Variants in C8orf88 observed in about 807,000 individuals in gnomAD.
C8orf88 encodes chromosome 8 open reading frame 88, also known as uncharacterized protein C8orf88.
A neutral mutation model predicts 18.4 loss-of-function variants in C8orf88; 14 were observed. The observed-to-expected ratio is 0.76, with a 90% CI of 0.50 to 1.19. The LOEUF (loss-of-function observed/expected upper bound fraction) is 1.19, where lower values mean the gene tolerates loss of function less well. Among genes scored for constraint, C8orf88 ranks in the 50% most tolerant of loss-of-function variants. The pLI is 0.00. For synonymous variants in C8orf88, 45 were observed against 42.9 expected, an observed-to-expected ratio of 1.05 and a Z score of -0.19; for missense variants, 116 against 134.7, an observed-to-expected ratio of 0.86 and a Z score of 0.69.
chr8:90,973,769 C>T (rs766037040), intron 3 of C8orf88, among the ~76,000 whole-genome samples: 47 of 152,264 alleles, frequency 3.1e-4, no homozygotes, highest in Non-Finnish European at 6.5e-4. Context: ...CAAGTGTGAG[C>T]ACCCCATCTG....
intron 2 of C8orf88, among the ~76,000 whole-genome samples, chr8:90,978,911 T>C (rs1811391825): frequency 6.6e-6 from 1 of 152,154 alleles, no homozygotes; most frequent in Non-Finnish European, 1.5e-5. Context: ...ATGATTATAA[T>C]ACAATTTGAT....
chr8:90,970,930 C>G, intron 4 of C8orf88, 136 bp downstream of exon 4: 2 of 508,530 alleles, frequency 3.9e-6, no homozygotes, highest in South Asian at 7.8e-5. Flanking sequence ...TAGCCTGACT[C>G]ATATAGATAG....
At chr8:90,964,614 C>T (rs1370582550) in intron 4 of C8orf88, among the ~76,000 whole-genome samples, 2 of 151,594 alleles carry the variant, frequency 1.3e-5, no homozygotes, top group African/African-American at 4.8e-5. Flanking sequence ...AATATAAAAG[C>T]ATCAATAAAT....
At chr8:90,961,559 A>G (rs547304411) in intron 4 of C8orf88, among the ~76,000 whole-genome samples, 1 of 151,524 alleles carries the variant, frequency 6.6e-6, no homozygotes, top group South Asian at 2.1e-4. Context: ...GATAAAGTAA[A>G]ACTGAAAGAA....
At chr8:90,977,026 T>C (rs762667688) in intron 3 of C8orf88, among the ~76,000 whole-genome samples, 2 of 151,936 alleles carry the variant, frequency 1.3e-5, no homozygotes, top group Non-Finnish European at 2.9e-5. Context: ...GAAAAGAAAA[T>C]ATTTTTATGC....
Position 90,978,024 on chromosome 8 carries a change from T to C in C8orf88, c.147+555A>G, listed in dbSNP as rs1426044689. The stretch of plus-strand genomic sequence containing the variant: ...AGGTAAGAAACTGGTACAATGCATC[T>C]GGCTAAGAAACTGGTGCAATGCTTA... On this transcript the variant is annotated intron_variant, in intron 3 of 5. Transcript: ENST00000517562. Among the ~76,000 whole-genome samples the C allele has an allele frequency of 3.3e-5, 5 of 152,094 alleles. No homozygotes were observed. The South Asian group carries it at 1.0e-3, about 32-fold the overall frequency.
intron 4 of C8orf88, among the ~76,000 whole-genome samples, chr8:90,961,530 T>C (rs1811127120): frequency 6.6e-6 from 1 of 151,168 alleles, no homozygotes; most frequent in Non-Finnish European, 1.5e-5. Flanking sequence ...GAAATACATG[T>C]GAAGGAAAGA....
At chr8:90,976,871 A>C (rs1811358579) in intron 3 of C8orf88, among the ~76,000 whole-genome samples, 1 of 152,110 alleles carries the variant, frequency 6.6e-6, no homozygotes. Context: ...ATATATAGAA[A>C]ACATCTTTTA....
At chr8:90,968,988 G>A (rs959213376) in intron 4 of C8orf88, among the ~76,000 whole-genome samples, 3 of 151,644 alleles carry the variant, frequency 2.0e-5, no homozygotes, top group African/African-American at 7.3e-5. Flanking sequence ...AGAATATTGA[G>A]AGGTTGGAAA....
At chr8:90,981,470 G>C (rs1205724586) in intron 1 of C8orf88, among the ~76,000 whole-genome samples, 1 of 152,032 alleles carries the variant, frequency 6.6e-6, no homozygotes, top group Middle Eastern at 3.2e-3. Context: ...CACTTCCTTG[G>C]AAAATATCCC....
chr8:90,968,566 A>T (rs922166685), intron 4 of C8orf88, among the ~76,000 whole-genome samples: 1 of 149,626 alleles, frequency 6.7e-6, no homozygotes, highest in African/African-American at 2.4e-5. Flanking sequence ...AAAAGGAAAA[A>T]TAGTTAAAAT....
chr8:90,960,180 A>T (rs185388577), intron 5 of C8orf88, among the ~76,000 whole-genome samples: 14 of 151,632 alleles, frequency 9.2e-5, no homozygotes, highest in Admixed American at 7.9e-4. Flanking sequence ...ATGTGTATTT[A>T]TTTAGATGGA....
chr8:90,969,913 T>C (rs1453611125), intron 4 of C8orf88, among the ~76,000 whole-genome samples: 1 of 151,824 alleles, frequency 6.6e-6, no homozygotes, highest in Non-Finnish European at 1.5e-5. Context: ...AACTAGTCCA[T>C]ATTGGAATAG....
chr8:90,970,245 T>G (rs1286399641), intron 4 of C8orf88, among the ~76,000 whole-genome samples: 1 of 151,886 alleles, frequency 6.6e-6, no homozygotes, highest in Non-Finnish European at 1.5e-5. Context: ...GTGAAGAAAC[T>G]GATGTGAAAG....
At chr8:90,976,598 A>G (rs898111695) in intron 3 of C8orf88, among the ~76,000 whole-genome samples, 1 of 152,096 alleles carries the variant, frequency 6.6e-6, no homozygotes, top group African/African-American at 2.4e-5. Flanking sequence ...AGACATCATG[A>G]TATTGATTAT....
intron 3 of C8orf88, among the ~76,000 whole-genome samples, chr8:90,974,993 C>G (rs1811327416): frequency 6.6e-6 from 1 of 151,928 alleles, no homozygotes; most frequent in Non-Finnish European, 1.5e-5. Flanking sequence ...CAAAAAATAC[C>G]ATTTACAACA....
intron 4 of C8orf88, among the ~76,000 whole-genome samples, chr8:90,964,549 A>G (rs904200928): frequency 2.6e-5 from 4 of 151,710 alleles, no homozygotes; most frequent in African/African-American, 9.7e-5. Flanking sequence ...GATAGTACAC[A>G]ACTAAAATCC....
rs1811464731 is a variant in C8orf88 at position 90,983,652 on chromosome 8, A to G, written c.-27+1462T>C. Among the ~76,000 whole-genome samples, 5 of 152,256 alleles carry G rather than the reference A, an allele frequency of 3.3e-5. No individual in the cohort carries two copies. The South Asian group carries it at 1.0e-3, about 32-fold the overall frequency. On this transcript the variant is annotated intron_variant, in intron 1 of 5. Coordinates refer to ENST00000517562, the MANE Select transcript of C8orf88 (RefSeq NM_001190972.2). The stretch of plus-strand genomic sequence containing the variant: ...TTTAAGGTCCTACTACATACTAAAT[A>G]TAATTTCATTTAATTTTGAGCCATA...
At chr8:90,964,922 G>A (rs1270333935) in intron 4 of C8orf88, among the ~76,000 whole-genome samples, 1 of 151,060 alleles carries the variant, frequency 6.6e-6, no homozygotes, top group Non-Finnish European at 1.5e-5. Context: ...TAGTATACTA[G>A]AAAATATCTA....
Sources: gnomAD v4.1 joint callset for allele counts (sites outside exome capture counted in the v4.1 genomes callset) on GRCh38, gnomAD v4.1.1 for gene constraint, MANE v1.5 for transcripts, NCBI Gene and HGNC (gene_info 2026-07-23, HGNC 2026-07-21) for gene names.